The following PCDHA2 variants were observed in gnomAD, a reference collection of about 807,000 sequenced individuals.
The protein encoded by PCDHA2 is protocadherin alpha 2.
In PCDHA2, 58 loss-of-function variants were observed where a neutral mutation model predicts 66.0. That is an observed-to-expected ratio of 0.88 (90% confidence interval 0.71 to 1.09). PCDHA2 has a LOEUF of 1.09. Among genes scored for constraint, PCDHA2 ranks in the 50% least tolerant of loss-of-function variants. The probability of loss-of-function intolerance (pLI) is 0.00; values close to 1 mark genes in which losing one functional copy is unlikely to be tolerated. For synonymous variants in PCDHA2, 634 were observed against 554.0 expected (o/e 1.14, Z -2.03); for missense variants, 1,267 against 1,242.3 (o/e 1.02, Z -0.30).
At chr5:140,889,302 C>T (rs1323356979) in intron 1 of PCDHA2, among the ~76,000 whole-genome samples, 1 of 151,926 alleles carries the variant, frequency 6.6e-6, no homozygotes, top group Non-Finnish European at 1.5e-5. Flanking sequence ...TTGGAGAACT[C>T]ACTGTTGAAG....
Position 140,842,816 on chromosome 5 carries a change from G to T in PCDHA2, c.2388+45464G>T, listed in dbSNP as rs144864522. On this transcript the variant is annotated intron_variant, in intron 1 of 3. Coordinates refer to ENST00000526136, the MANE Select transcript of PCDHA2 (RefSeq NM_018905.3). Reference sequence around the variant, plus strand: ...GTCCTACTCGCTTGTGGAGCGGCGGGTGGGCGAGCGCTCGCTGTCGAGCTA... The same window carrying T: ...GTCCTACTCGCTTGTGGAGCGGCGGTTGGGCGAGCGCTCGCTGTCGAGCTA... 2.5e-5 allele frequency: 40 copies of T among 1,594,004 alleles called. 2 individuals are homozygous for T. The African/African-American group carries it at 4.0e-4, about 16-fold the overall frequency.
intron 1 of PCDHA2, chr5:140,828,540 C>G: frequency 6.2e-7 from 1 of 1,614,252 alleles, no homozygotes; most frequent in Non-Finnish European, 8.5e-7. Flanking sequence ...CTGCCAGATT[C>G]TGTGTTTCCA....
chr5:140,979,145 G>A, intron 2 of PCDHA2, 138 bp downstream of exon 2: 1 of 1,447,220 alleles, frequency 6.9e-7, no homozygotes, highest in Non-Finnish European at 9.1e-7. Context: ...CAATTATTTT[G>A]TCCCCATGTT....
At chr5:140,903,982 T>G (rs782635653) in intron 1 of PCDHA2, among the ~76,000 whole-genome samples, 5 of 152,232 alleles carry the variant, frequency 3.3e-5, no homozygotes, top group African/African-American at 4.8e-5. Flanking sequence ...CTATTCACAA[T>G]GTAACAGCTA....
intron 1 of PCDHA2, among the ~76,000 whole-genome samples, chr5:140,933,313 C>T (rs977318847): frequency 3.9e-5 from 6 of 151,916 alleles, no homozygotes; most frequent in African/African-American, 1.4e-4. Context: ...TATGCAATCT[C>T]GTATTCTCCT....
chr5:140,989,609 T>C (rs782186182), intron 3 of PCDHA2, among the ~76,000 whole-genome samples: 4 of 152,178 alleles, frequency 2.6e-5, no homozygotes, highest in Non-Finnish European at 5.9e-5. Flanking sequence ...AAACTAAAAA[T>C]GAAAGTCTGT....
intron 1 of PCDHA2, chr5:140,849,752 C>G (rs2041099569): frequency 3.1e-6 from 5 of 1,598,274 alleles, no homozygotes; most frequent in Admixed American, 3.4e-5. Context: ...AGAGTGTGTC[C>G]GCCTACGAGC....
intron 1 of PCDHA2, chr5:140,851,006 T>G (rs2041921883): frequency 7.0e-7 from 1 of 1,437,372 alleles, no homozygotes; most frequent in Non-Finnish European, 9.2e-7. Flanking sequence ...TCCAGCAGAT[T>G]TTTTTTCTGA....
At chr5:140,987,938 C>G (rs2153869339) in intron 3 of PCDHA2, among the ~76,000 whole-genome samples, 1 of 152,208 alleles carries the variant, frequency 6.6e-6, no homozygotes, top group East Asian at 1.9e-4. Context: ...AGGATTCTTA[C>G]CTGTCTGACA....
rs551711072 is a variant in PCDHA2 at position 140,796,468 on chromosome 5, C to T, written c.1504C>T (p.Arg502Cys). 1.6e-5 allele frequency: 25 copies of T among 1,612,160 alleles called. No homozygotes were observed. In the African/African-American group the frequency reaches 3.1e-4, roughly 20 times the overall value. ...GCTGGTGGAGCGGCGGGTGGGCGAG[C>T]GCGCGTTGTCGAGCTACGTTTCGGT... ...YSLVERRVGE[R>C]ALSSYVSVHA... Residue 502 changes from arginine to cysteine, a missense_variant, in exon 1 of 4, where the codon CGC becomes TGC. Physicochemically the swap from Arg to Cys is radical, Grantham distance 180. Coordinates refer to ENST00000526136, the MANE Select transcript of PCDHA2 (RefSeq NM_018905.3).
At chr5:140,993,462 T>TCACA (rs3836747) in intron 3 of PCDHA2, among the ~76,000 whole-genome samples, 8,584 of 140,952 alleles carry the variant, frequency 0.061, 300 homozygotes, top group Admixed American at 0.12. Flanking sequence ...TCTTTCTTTC[T>TCACA]CACACACACA....
At chr5:140,823,016 G>A (rs2150121334) in intron 1 of PCDHA2, 8 of 1,614,216 alleles carry the variant, frequency 5.0e-6, no homozygotes, top group East Asian at 2.2e-5. Context: ...GCCCTGGACC[G>A]CGAGAGCGTG....
chr5:140,831,428 T>A (rs1771525057), intron 1 of PCDHA2, among the ~76,000 whole-genome samples: 1 of 151,652 alleles, frequency 6.6e-6, no homozygotes. Context: ...GGTGCAATAA[T>A]GGCTCACTGC....
chr5:140,851,003 GA>G (rs2041919886), intron 1 of PCDHA2: 1 of 1,437,650 alleles, frequency 7.0e-7, no homozygotes. Flanking sequence ...AAATCCAGCA[GA>G]TTTTTTTTCT....
intron 1 of PCDHA2, among the ~76,000 whole-genome samples, chr5:140,915,711 C>T (rs1159509465): frequency 1.3e-5 from 2 of 151,812 alleles, no homozygotes; most frequent in African/African-American, 2.4e-5. Flanking sequence ...CTCCTGTGGC[C>T]CCCACTTTGG....
intron 1 of PCDHA2, chr5:140,876,604 G>A: frequency 6.2e-7 from 1 of 1,614,204 alleles, no homozygotes; most frequent in Non-Finnish European, 8.5e-7. Flanking sequence ...GTCGGATCGT[G>A]ACTCTGGAGC....
chr5:140,863,464 C>A, intron 1 of PCDHA2: 1 of 512,348 alleles, frequency 2.0e-6, no homozygotes, highest in South Asian at 1.5e-5. Context: ...AGATTTTACT[C>A]TGGAGAGTCG....
chr5:140,904,335 C>T (rs142753502), intron 1 of PCDHA2, among the ~76,000 whole-genome samples: 2,168 of 152,034 alleles, frequency 0.014, 62 homozygotes, highest in African/African-American at 0.05. Flanking sequence ...TCTCCAGTTC[C>T]ATCCAGGTTG....
At chr5:140,908,073 G>A (rs2153503880) in intron 1 of PCDHA2, among the ~76,000 whole-genome samples, 1 of 152,322 alleles carries the variant, frequency 6.6e-6, no homozygotes, top group Admixed American at 6.5e-5. Context: ...CATGAAAAGT[G>A]CACAACCAGG....
Sources: gnomAD v4.1 joint callset for allele counts (sites outside exome capture counted in the v4.1 genomes callset) on GRCh38, gnomAD v4.1.1 for gene constraint, MANE v1.5 for transcripts, NCBI Gene and HGNC (gene_info 2026-07-23, HGNC 2026-07-21) for gene names.